TNS1: variants seen among roughly 807,000 people sequenced by gnomAD.
TNS1 encodes tensin-1.
Under a neutral mutation model 168.6 loss-of-function variants are expected in TNS1, and 62 were observed. The observed-to-expected ratio is 0.37, with a 90% CI of 0.30 to 0.45. TNS1 has a LOEUF of 0.45. Ranked by LOEUF, TNS1 falls within the 20% of genes least tolerant of loss-of-function variation. The pLI is 1.00. For missense variants in TNS1, 2,240 were observed against 2,339.4 expected, an observed-to-expected ratio of 0.96 and a Z score of 0.88; for synonymous variants, 934 against 933.2, an observed-to-expected ratio of 1.00 and a Z score of -0.02.
intron 19 of TNS1, among the ~76,000 whole-genome samples, chr2:217,846,922 A>G (rs1946726693): frequency 6.6e-6 from 1 of 152,232 alleles, no homozygotes; most frequent in Non-Finnish European, 1.5e-5. Context: ...GCCCCAGCAG[A>G]TAGAGCCTAA....
At chr2:217,851,350 A>G (rs1483351052) in intron 18 of TNS1, among the ~76,000 whole-genome samples, 1 of 151,650 alleles carries the variant, frequency 6.6e-6, no homozygotes, top group Non-Finnish European at 1.5e-5. Flanking sequence ...GAACATCCCA[A>G]TCAACATACA....
At position 217,804,346 on chromosome 2, in the gene TNS1, C is replaced by G; in HGVS notation, c.*113G>C. 7.2e-7 allele frequency: 1 copy of G among 1,388,284 alleles called. No individual in the cohort carries two copies. Among genetic ancestry groups the G allele is most frequent in the African/African-American group, 1.4e-5 (1 of 69,296 alleles). The allele number at this position is 1,388,284 out of a possible 1,614,324, so 86.0% of individuals were successfully genotyped here. ...CTCCCCACGTTGCACTTTCTTCTCT[C>G]CTCCGAAATTGGCCCAAAGTCCTCC... On this transcript the variant is annotated 3_prime_UTR_variant, in exon 33 of 33. Transcript: ENST00000682258.
intron 1 of TNS1, among the ~76,000 whole-genome samples, chr2:217,997,796 C>T (rs778902518): frequency 2.5e-4 from 38 of 152,150 alleles, no homozygotes; most frequent in Non-Finnish European, 3.5e-4. Context: ...GCATGGTGAG[C>T]GCTCAGCAGC....
At chr2:217,932,761 T>C (rs1956387739) in intron 3 of TNS1, among the ~76,000 whole-genome samples, 1 of 152,164 alleles carries the variant, frequency 6.6e-6, no homozygotes, top group Admixed American at 6.5e-5. Flanking sequence ...GAACTTTCCA[T>C]CAAAAAAATC....
chr2:217,980,509 A>AGT (rs1315352510), intron 2 of TNS1, among the ~76,000 whole-genome samples: 149 of 36,904 alleles, frequency 4.0e-3, no homozygotes, highest in African/African-American at 0.019. Flanking sequence ...ACACACACAG[A>AGT]GAGAGAGAGA....
At chr2:217,975,221 C>T (rs1349663214) in intron 3 of TNS1, among the ~76,000 whole-genome samples, 1 of 152,148 alleles carries the variant, frequency 6.6e-6, no homozygotes, top group Non-Finnish European at 1.5e-5. Context: ...CAGCCCCAGT[C>T]AGGCCTTGAG....
Position 217,893,565 on chromosome 2 carries a change from T to C in TNS1, c.595-4A>G, listed in dbSNP as rs1951973047. On this transcript the variant is annotated splice_polypyrimidine_tract_variant and splice_region_variant and intron_variant, in intron 9 of 32. Coordinates refer to ENST00000682258, the MANE Select transcript of TNS1 (RefSeq NM_001387777.1). Reference sequence around the variant, plus strand: ...CGGGCCAGCCAAATTCCAGTACCTGTGGCCCAAGCCATGAGTGAGAAGAGG... The same window carrying C: ...CGGGCCAGCCAAATTCCAGTACCTGCGGCCCAAGCCATGAGTGAGAAGAGG... 1.2e-6 allele frequency: 2 copies of C among 1,605,784 alleles called. No individual in the cohort carries two copies. Among genetic ancestry groups the C allele is most frequent in the Non-Finnish European group, 8.5e-7 (1 of 1,176,406 alleles).
At chr2:217,850,068 C>A in intron 18 of TNS1, 1 of 985,444 alleles carries the variant, frequency 1.0e-6, no homozygotes, top group East Asian at 1.1e-4. Flanking sequence ...TGGACCCCTA[C>A]CCCTCCACCA....
chr2:217,814,890 C>A (rs766034093), intron 25 of TNS1, 22 bp downstream of exon 25: 2 of 1,595,460 alleles, frequency 1.3e-6, no homozygotes, highest in Non-Finnish European at 8.6e-7. Flanking sequence ...GCCTCTGATG[C>A]ACCACAGAGC....
At chr2:217,861,187 G>C (rs532266085) in intron 18 of TNS1, among the ~76,000 whole-genome samples, 1 of 152,228 alleles carries the variant, frequency 6.6e-6, no homozygotes, top group Non-Finnish European at 1.5e-5. Flanking sequence ...GCTCAACATA[G>C]GAAAAAACAC....
chr2:217,861,807 T>TAGTGC (rs1948807249), intron 18 of TNS1, among the ~76,000 whole-genome samples: 2 of 152,054 alleles, frequency 1.3e-5, no homozygotes, highest in African/African-American at 2.4e-5. Context: ...AGAACACGAG[T>TAGTGC]AGTGCAGCGT....
chr2:217,968,185 A>G (rs981641072), intron 3 of TNS1, among the ~76,000 whole-genome samples: 5 of 152,242 alleles, frequency 3.3e-5, no homozygotes, highest in African/African-American at 1.2e-4. Flanking sequence ...CACAGCTAAT[A>G]TCATGCTTAG....
At chr2:217,999,493 C>T (rs1458790992) in intron 1 of TNS1, among the ~76,000 whole-genome samples, 2 of 152,228 alleles carry the variant, frequency 1.3e-5, no homozygotes, top group Non-Finnish European at 2.9e-5. Context: ...GCTACACTTC[C>T]TTTCAACACT....
chr2:217,950,809 C>T (rs369746462), intron 3 of TNS1, among the ~76,000 whole-genome samples: 3 of 151,572 alleles, frequency 2.0e-5, no homozygotes, highest in Admixed American at 6.6e-5. Flanking sequence ...CACTCTTCTG[C>T]GCAGCACCTT....
intron 1 of TNS1, among the ~76,000 whole-genome samples, chr2:218,009,215 C>T (rs939100072): frequency 2.0e-5 from 3 of 152,172 alleles, no homozygotes; most frequent in African/African-American, 4.8e-5. Flanking sequence ...CCCTGGGATC[C>T]TTCCCCTCAT....
chr2:217,820,466 C>G (rs750177771), intron 23 of TNS1, among the ~76,000 whole-genome samples: 1 of 152,134 alleles, frequency 6.6e-6, no homozygotes, highest in Non-Finnish European at 1.5e-5. Context: ...TCATCTGCTC[C>G]CCTAGTCATC....
chr2:217,962,851 A>G (rs552347550), intron 3 of TNS1, among the ~76,000 whole-genome samples: 1 of 152,316 alleles, frequency 6.6e-6, no homozygotes, highest in East Asian at 1.9e-4. Flanking sequence ...CCTGGATTGG[A>G]TCCTAGATCA....
upstream of TNS1, chr2:218,003,032 C>CCCT (rs546736126): frequency 1.6e-3 from 662 of 414,726 alleles, 2 homozygotes; most frequent in African/African-American, 0.012. Context: ...AGCTCACCCT[C>CCCT]CCTCCTCCTC....
chr2:217,959,940 G>A (rs1957457357), intron 3 of TNS1, among the ~76,000 whole-genome samples: 1 of 152,130 alleles, frequency 6.6e-6, no homozygotes, highest in Non-Finnish European at 1.5e-5. Context: ...TTCAGAGCTG[G>A]CAGAGTGTTT....
Sources: allele counts gnomAD v4.1 joint callset (sites outside exome capture counted in the v4.1 genomes callset), GRCh38; gene constraint gnomAD v4.1.1; transcripts MANE v1.5; gene names NCBI Gene and HGNC (gene_info 2026-07-23, HGNC 2026-07-21).